The following THSD4 variants were observed in gnomAD, a reference collection of about 807,000 sequenced individuals.
THSD4 encodes thrombospondin type-1 domain-containing protein 4.
In THSD4, 69 loss-of-function variants were observed where a neutral mutation model predicts 119.0. The ratio of observed to expected loss-of-function variants is 0.58; its 90% confidence interval spans 0.48 to 0.71. The LOEUF is 0.71. THSD4 is among the 30% of genes least tolerant of loss of function. THSD4 has a pLI of 0.00. For missense variants in THSD4, 1,393 were observed against 1,391.1 expected (o/e 1.00, Z -0.02); for synonymous variants, 524 against 540.4 (o/e 0.97, Z 0.42).
intron 6 of THSD4, among the ~76,000 whole-genome samples, chr15:71,298,964 T>G (rs2044906339): frequency 6.6e-6 from 1 of 152,170 alleles, no homozygotes; most frequent in African/African-American, 2.4e-5. Flanking sequence ...GCAGAACCTT[T>G]GTTGTTGAGT....
intron 7 of THSD4, among the ~76,000 whole-genome samples, chr15:71,509,627 G>A (rs529212813): frequency 6.6e-6 from 1 of 152,332 alleles, no homozygotes; most frequent in South Asian, 2.1e-4. Context: ...ACCTGGGTCT[G>A]TTGGACTCCA....
Position 71,295,688 on chromosome 15 carries a change from A to T in THSD4, c.1015+38973A>T, listed in dbSNP as rs577763803. Among the ~76,000 whole-genome samples the T allele has an allele frequency of 3.9e-5, 6 of 152,292 alleles. No individual in the cohort carries two copies. In the South Asian group the frequency reaches 1.0e-3, roughly 26 times the overall value. The stretch of plus-strand genomic sequence containing the variant: ...ATCACCTGGGGACATTTTCTTTAAA[A>T]AAAAAAAGCCAGCTCTATTGAGTCA... On this transcript the variant is annotated intron_variant, in intron 6 of 17. Coordinates refer to ENST00000261862, the MANE Select transcript of THSD4 (RefSeq NM_024817.3).
At position 71,242,679 on chromosome 15, in the gene THSD4, C is replaced by T; in HGVS notation, c.495C>T (p.Gly165=). The T allele has an allele frequency of 1.2e-6, 2 of 1,614,124 alleles. No homozygotes were observed. Among genetic ancestry groups the T allele is most frequent in the Non-Finnish European group, 1.7e-6 (2 of 1,179,990 alleles). The change falls in exon 5 of 18, where the codon GGC becomes GGT. Residue 165 remains glycine (G), a synonymous_variant. Coordinates refer to ENST00000261862, the MANE Select transcript of THSD4 (RefSeq NM_024817.3). ...RSRTRGTIGP[G]KYGYGKAPYI... ...GGACCCGTGGTACCATTGGCCCTGGCAAGTATGGCTATGGTAAGGCCCCAT... is the reference window on the plus strand; with the variant it reads ...GGACCCGTGGTACCATTGGCCCTGGTAAGTATGGCTATGGTAAGGCCCCAT...
chr15:71,274,526 T>G (rs2044568667), intron 6 of THSD4, among the ~76,000 whole-genome samples: 1 of 152,122 alleles, frequency 6.6e-6, no homozygotes, highest in Non-Finnish European at 1.5e-5. Context: ...GATTCCCTCC[T>G]CCCTGATTCC....
rs975623907 is a variant in THSD4 at position 71,649,458 on chromosome 15, G to C, written c.1153-11072G>C. Among the ~76,000 whole-genome samples the C allele has an allele frequency of 6.6e-5, 10 of 152,132 alleles. No individual in the cohort carries two copies. In the East Asian group the frequency reaches 1.9e-3, roughly 29 times the overall value. On this transcript the variant is annotated intron_variant, in intron 7 of 17. Coordinates refer to ENST00000261862, the MANE Select transcript of THSD4 (RefSeq NM_024817.3). ...CCTGGCTAATTTTTGTATTTTTTTAGTAGAGATGGGGTTTCACCATGTTGG... is the reference window on the plus strand; with the variant it reads ...CCTGGCTAATTTTTGTATTTTTTTACTAGAGATGGGGTTTCACCATGTTGG...
At chr15:71,416,505 C>A (rs1338292835) in intron 7 of THSD4, among the ~76,000 whole-genome samples, 1 of 107,476 alleles carries the variant, frequency 9.3e-6, no homozygotes, top group Non-Finnish European at 2.0e-5. Context: ...GTTATTGCCT[C>A]ACTTTTAGTA....
At chr15:71,180,624 G>A (rs1008552267) in intron 3 of THSD4, among the ~76,000 whole-genome samples, 1 of 152,128 alleles carries the variant, frequency 6.6e-6, no homozygotes, top group Non-Finnish European at 1.5e-5. Flanking sequence ...AGCAACAACC[G>A]AAATAATTTC....
At chr15:71,324,962 G>A (rs975357999) in intron 6 of THSD4, among the ~76,000 whole-genome samples, 9 of 152,060 alleles carry the variant, frequency 5.9e-5, no homozygotes, top group African/African-American at 7.2e-5. Context: ...CCACATCCAC[G>A]CCAATACCTA....
intron 14 of THSD4, among the ~76,000 whole-genome samples, chr15:71,751,146 G>A (rs987875441): frequency 6.6e-5 from 10 of 152,176 alleles, no homozygotes; most frequent in African/African-American, 2.4e-4. Context: ...ACTTTCTCCA[G>A]GCTAAAAATA....
At chr15:71,744,980 G>A (rs1374101383) in intron 11 of THSD4, 126 bp from the exon 12 acceptor site, 4 of 1,228,356 alleles carry the variant, frequency 3.3e-6, no homozygotes, top group African/African-American at 1.5e-5. Context: ...GTGCATGCAT[G>A]TGTGAATTGT....
At chr15:71,331,782 T>C (rs995457796) in intron 6 of THSD4, among the ~76,000 whole-genome samples, 1 of 152,056 alleles carries the variant, frequency 6.6e-6, no homozygotes, top group Non-Finnish European at 1.5e-5. Context: ...GATTCACAAA[T>C]AGCTAATATT....
intron 8 of THSD4, among the ~76,000 whole-genome samples, chr15:71,711,661 T>C (rs906192252): frequency 1.5e-4 from 13 of 87,156 alleles, no homozygotes; most frequent in Admixed American, 3.1e-4. Flanking sequence ...AGAAATCCAC[T>C]CTAAAGGTAA....
At chr15:71,726,141 G>A (rs536240019) in intron 8 of THSD4, among the ~76,000 whole-genome samples, 1 of 152,288 alleles carries the variant, frequency 6.6e-6, no homozygotes, top group South Asian at 2.1e-4. Flanking sequence ...TTCTTCCTCA[G>A]TTTCCACCCT....
chr15:71,486,611 G>GTTTTTTTTTTTTTTTTTTTTTTTTTTTT (rs200120589), intron 7 of THSD4, among the ~76,000 whole-genome samples: 1 of 131,710 alleles, frequency 7.6e-6, no homozygotes, highest in African/African-American at 2.9e-5. Context: ...TTTCTTTTCT[G>GTTTTTTTTTTTTTTTTTTTTTTTTTTTT]TTTTTTTTTT....
At chr15:71,666,692 T>C (rs1258713440) in intron 8 of THSD4, among the ~76,000 whole-genome samples, 3 of 152,250 alleles carry the variant, frequency 2.0e-5, no homozygotes, top group East Asian at 1.9e-4. Context: ...GAAGGTATAA[T>C]TATAGAGTTA....
At chr15:71,382,076 A>G (rs2046236152) in intron 6 of THSD4, among the ~76,000 whole-genome samples, 1 of 152,180 alleles carries the variant, frequency 6.6e-6, no homozygotes, top group Admixed American at 6.5e-5. Flanking sequence ...TTGGTTATGT[A>G]TTTAATCAAG....
At chr15:71,739,825 C>G (rs2053200990) in intron 11 of THSD4, among the ~76,000 whole-genome samples, 1 of 147,384 alleles carries the variant, frequency 6.8e-6, no homozygotes, top group Non-Finnish European at 1.5e-5. Flanking sequence ...CTTTGCTTTG[C>G]TTTGCTTTTT....
intron 7 of THSD4, among the ~76,000 whole-genome samples, chr15:71,543,914 G>C (rs1039067523): frequency 1.3e-5 from 2 of 152,186 alleles, no homozygotes; most frequent in African/African-American, 4.8e-5. Flanking sequence ...TGTAATCCCA[G>C]CTACTCGGGA....
intron 13 of THSD4, among the ~76,000 whole-genome samples, chr15:71,747,402 T>C (rs1221412885): frequency 2.6e-5 from 4 of 152,192 alleles, no homozygotes; most frequent in Non-Finnish European, 5.9e-5. Flanking sequence ...CCTGGAAGAA[T>C]AGAGTAGTGT....
Sources: gnomAD v4.1 joint callset for allele counts (sites outside exome capture counted in the v4.1 genomes callset) on GRCh38, gnomAD v4.1.1 for gene constraint, MANE v1.5 for transcripts, NCBI Gene and HGNC (gene_info 2026-07-23, HGNC 2026-07-21) for gene names.